Variants in SEM1 observed in about 807,000 individuals in gnomAD.
SEM1 encodes the protein SEM1 26S proteasome subunit, also known as 26S proteasome complex subunit SEM1.
In SEM1, 3 loss-of-function variants were observed where a neutral mutation model predicts 12.7. That is an observed-to-expected ratio of 0.24 (90% CI 0.11 to 0.61). The LOEUF is 0.61. SEM1 is among the 20% of genes least tolerant of loss of function. The probability of loss-of-function intolerance (pLI) is 0.88; values close to 1 mark genes in which losing one functional copy is unlikely to be tolerated. For synonymous variants in SEM1, 30 were observed against 27.8 expected (o/e 1.08, Z -0.25); for missense variants, 59 against 81.3 (o/e 0.73, Z 1.06).
intron 2 of SEM1, among the ~76,000 whole-genome samples, chr7:96,595,856 C>T (rs1231435979): frequency 6.6e-6 from 1 of 152,138 alleles, no homozygotes; most frequent in African/African-American, 2.4e-5. Flanking sequence ...TGTCCAAACT[C>T]ATAAAACTCG....
intron 2 of SEM1, among the ~76,000 whole-genome samples, chr7:96,630,215 G>A (rs1042889905): frequency 6.6e-6 from 1 of 152,196 alleles, no homozygotes; most frequent in Admixed American, 6.5e-5. Flanking sequence ...CTTCCTTTCA[G>A]GTGGTGAGTT....
At chr7:96,552,272 T>C (rs1208910080) in intron 2 of SEM1, among the ~76,000 whole-genome samples, 1 of 152,084 alleles carries the variant, frequency 6.6e-6, no homozygotes, top group Non-Finnish European at 1.5e-5. Context: ...ACATGTGCCA[T>C]GCTGGTGCGC....
intron 1 of SEM1, among the ~76,000 whole-genome samples, chr7:96,709,456 C>T (rs1166164743): frequency 6.6e-6 from 1 of 152,156 alleles, no homozygotes; most frequent in Non-Finnish European, 1.5e-5. Context: ...CACGGTGGCT[C>T]CTCCCAGTGA....
At chr7:96,493,410 C>G (rs753935938) in intron 1 of SEM1, among the ~76,000 whole-genome samples, 1 of 152,124 alleles carries the variant, frequency 6.6e-6, no homozygotes, top group African/African-American at 2.4e-5. Flanking sequence ...AGCTTGAGAT[C>G]AAGATGTCAC....
chr7:96,598,620 G>A (rs766110060), intron 2 of SEM1, among the ~76,000 whole-genome samples: 9 of 151,962 alleles, frequency 5.9e-5, no homozygotes, highest in African/African-American at 2.2e-4. Flanking sequence ...TTGCAGTTTT[G>A]GTCCTAAGCT....
At chr7:96,595,730 C>T (rs1334546219) in intron 2 of SEM1, among the ~76,000 whole-genome samples, 2 of 151,854 alleles carry the variant, frequency 1.3e-5, no homozygotes, top group African/African-American at 2.4e-5. Flanking sequence ...TCCAAATATT[C>T]ATTTCTGTGC....
At chr7:96,486,285 T>C in exon 2 of SEM1, 3 of 1,537,164 alleles carry the variant, frequency 2.0e-6, no homozygotes, top group Non-Finnish European at 2.6e-6. Context: ...GCCGGATGCT[T>C]ACTCTCATGG....
intron 2 of SEM1, among the ~76,000 whole-genome samples, chr7:96,536,019 C>A (rs1278208922): frequency 1.3e-5 from 2 of 151,778 alleles, no homozygotes; most frequent in Non-Finnish European, 2.9e-5. Context: ...GTTTTTAGTT[C>A]TTTGAGGAAT....
intron 3 of SEM1, among the ~76,000 whole-genome samples, chr7:96,501,549 T>C (rs1405395541): frequency 6.6e-6 from 1 of 152,132 alleles, no homozygotes; most frequent in African/African-American, 2.4e-5. Context: ...GCCTTAATGT[T>C]AGGAAAGACT....
rs917564446 is a variant in SEM1, at chr7:96,682,172, T to G, written c.171-8313A>C. On this transcript the variant is annotated intron_variant, in intron 2 of 2. Coordinates refer to the SEM1 transcript ENST00000413065. ...ATTGTGAATGGGTGTTCACTCATGA[T>G]TTCGCTCTCTTTTTGTCTGTTCTTG... 2.6e-5 allele frequency among the ~76,000 whole-genome samples: 4 copies of G among 152,122 alleles called. No individual in the cohort carries two copies. The South Asian group carries it at 8.3e-4, about 32-fold the overall frequency.
intron 1 of SEM1, among the ~76,000 whole-genome samples, chr7:96,488,159 C>T (rs1802847499): frequency 6.6e-6 from 1 of 152,064 alleles, no homozygotes; most frequent in African/African-American, 2.4e-5. Context: ...GACCAATGTA[C>T]TATGACGCAT....
intron 2 of SEM1, among the ~76,000 whole-genome samples, chr7:96,534,877 CT>C (rs1804742732): frequency 6.6e-6 from 1 of 151,862 alleles, no homozygotes; most frequent in Non-Finnish European, 1.5e-5. Context: ...ATACTTACTG[CT>C]TTTTAAGAAA....
chr7:96,508,949 T>A (rs940748337), intron 2 of SEM1, among the ~76,000 whole-genome samples: 1 of 151,862 alleles, frequency 6.6e-6, no homozygotes, highest in South Asian at 2.1e-4. Flanking sequence ...TGATTATGAA[T>A]CTATTTTTAA....
intron 2 of SEM1, among the ~76,000 whole-genome samples, chr7:96,654,581 G>A (rs964518093): frequency 6.6e-6 from 1 of 152,190 alleles, no homozygotes; most frequent in Non-Finnish European, 1.5e-5. Flanking sequence ...GTGAGCAAAT[G>A]CTACTCTACC....
chr7:96,693,772 G>GTGTGTGTGTGTGTA (rs1790003853), intron 2 of SEM1, among the ~76,000 whole-genome samples: 1 of 148,964 alleles, frequency 6.7e-6, no homozygotes, highest in Non-Finnish European at 1.5e-5. Context: ...GTGTGTGTGT[G>GTGTGTGTGTGTGTA]TGTGTGTGTG....
chr7:96,621,641 A>G (rs1489495006), downstream of SEM1: 2 of 152,202 alleles, frequency 1.3e-5, no homozygotes, highest in Non-Finnish European at 2.9e-5. Flanking sequence ...TTAATAAATG[A>G]GTGGGCAACA....
rs191239438 is a variant in SEM1 at position 96,609,779 on chromosome 7, C to A, written c.170+85019G>T. 4.6e-5 allele frequency among the ~76,000 whole-genome samples: 7 copies of A among 152,190 alleles called. No homozygotes were observed. The South Asian group carries it at 1.5e-3, about 32-fold the overall frequency. On this transcript the variant is annotated intron_variant and NMD_transcript_variant, in intron 2 of 3. Coordinates refer to the SEM1 transcript ENST00000466986. ...TAGCCTATGAGGAAAGGGATAGAGA[C>A]AAAAGGAAGCAAGATGTATAAGGAA... is the stretch of plus-strand genomic sequence containing the variant.
At chr7:96,646,108 G>C (rs1490018640) in intron 2 of SEM1, among the ~76,000 whole-genome samples, 3 of 152,048 alleles carry the variant, frequency 2.0e-5, no homozygotes, top group Admixed American at 6.6e-5. Context: ...TCCATGGTCT[G>C]TACCAGGGGT....
intron 2 of SEM1, among the ~76,000 whole-genome samples, chr7:96,630,782 C>T (rs1368140205): frequency 1.5e-4 from 23 of 152,184 alleles, no homozygotes; most frequent in Admixed American, 1.4e-3. Context: ...TCACCCAAGG[C>T]CCTTGCCATG....
Sources: gnomAD v4.1 joint callset for allele counts (sites outside exome capture counted in the v4.1 genomes callset) on GRCh38, gnomAD v4.1.1 for gene constraint, MANE v1.5 for transcripts, NCBI Gene and HGNC (gene_info 2026-07-23, HGNC 2026-07-21) for gene names.